The following DENND1B variants were observed in gnomAD, a reference collection of about 807,000 sequenced individuals.
DENND1B encodes the protein DENN domain containing 1B.
DENND1B carries 59 observed loss-of-function variants against 90.1 expected under a neutral mutation model. The ratio of observed to expected loss-of-function variants is 0.65; its 90% CI spans 0.53 to 0.81. The LOEUF is 0.81. Among genes scored for constraint, DENND1B ranks in the 40% least tolerant of loss-of-function variants. The probability of loss-of-function intolerance (pLI) is 0.00; values close to 1 mark genes in which losing one functional copy is unlikely to be tolerated. For missense variants in DENND1B, 862 were observed against 912.6 expected (o/e 0.94, Z 0.71); for synonymous variants, 337 against 324.6 (o/e 1.04, Z -0.41).
intron 15 of DENND1B, among the ~76,000 whole-genome samples, chr1:197,580,075 TTTTC>T (rs1423194434): frequency 2.0e-4 from 28 of 142,152 alleles, no homozygotes; most frequent in South Asian, 1.1e-3. Flanking sequence ...TTTTTCTTTC[TTTTC>T]TTTCTTTCTT....
In DENND1B at chr1:197,735,699, G is replaced by C. The variant is rs755832311; in HGVS notation, c.83-20625C>G. ...CTACCCCGGACACGGGAGGCGCTAC[G>C]CCAGGACCGACAGGAAAGTTTTCCA... is the stretch of plus-strand genomic sequence containing the variant. On this transcript the variant is annotated intron_variant, in intron 2 of 22. Coordinates refer to ENST00000620048, the MANE Select transcript of DENND1B (RefSeq NM_001195215.2). 5.0e-6 allele frequency: 8 copies of C among 1,613,940 alleles called. No homozygotes were observed. In the East Asian group the frequency reaches 1.6e-4, roughly 31 times the overall value.
intron 13 of DENND1B, among the ~76,000 whole-genome samples, chr1:197,602,568 T>C (rs1676303413): frequency 6.6e-6 from 1 of 151,452 alleles, no homozygotes; most frequent in Non-Finnish European, 1.5e-5. Context: ...GGAACTAATA[T>C]AATATTCTCT....
chr1:197,552,335 A>C, intron 16 of DENND1B: 1 of 985,452 alleles, frequency 1.0e-6, no homozygotes, highest in Non-Finnish European at 1.2e-6. Context: ...TCAGCAAATA[A>C]TGAATGAACA....
chr1:197,672,342 T>C (rs1370236045), intron 4 of DENND1B, among the ~76,000 whole-genome samples, 186 bp from the exon 5 acceptor site: 4 of 152,084 alleles, frequency 2.6e-5, no homozygotes, highest in Admixed American at 2.0e-4. Context: ...CCAAAATAAG[T>C]TGTAATACCT....
At chr1:197,534,812 T>C (rs887911708) in intron 20 of DENND1B, among the ~76,000 whole-genome samples, 3 of 152,292 alleles carry the variant, frequency 2.0e-5, no homozygotes, top group Admixed American at 6.5e-5. Flanking sequence ...ACATTACATA[T>C]TTAGTTGAAA....
intron 10 of DENND1B, among the ~76,000 whole-genome samples, chr1:197,627,359 C>T (rs1355115235): frequency 6.6e-6 from 1 of 152,100 alleles, no homozygotes; most frequent in African/African-American, 2.4e-5. Flanking sequence ...CCCTGATATG[C>T]CAGGCTGGTT....
chr1:197,698,648 A>G (rs976216117), intron 3 of DENND1B, among the ~76,000 whole-genome samples: 8 of 151,968 alleles, frequency 5.3e-5, no homozygotes, highest in African/African-American at 2.4e-5. Flanking sequence ...TTTTCTTTAA[A>G]TTAACAAAAC....
chr1:197,685,948 A>C (rs1441248290), intron 3 of DENND1B, among the ~76,000 whole-genome samples: 1 of 152,182 alleles, frequency 6.6e-6, no homozygotes, highest in Non-Finnish European at 1.5e-5. Context: ...TGAAGATGCC[A>C]ATTTTGTTCT....
intron 10 of DENND1B, among the ~76,000 whole-genome samples, chr1:197,628,850 T>C (rs1391847332): frequency 6.6e-6 from 1 of 151,368 alleles, no homozygotes; most frequent in Non-Finnish European, 1.5e-5. Flanking sequence ...AACAACCCCA[T>C]CAAAAAGTGG....
chr1:197,706,235 G>C (rs1433149688), intron 3 of DENND1B, among the ~76,000 whole-genome samples: 1 of 152,122 alleles, frequency 6.6e-6, no homozygotes, highest in Non-Finnish European at 1.5e-5. Context: ...CATAAGAAAG[G>C]AACCTGCTCA....
chr1:197,587,210 C>G (rs377066082), intron 14 of DENND1B, among the ~76,000 whole-genome samples: 17 of 152,248 alleles, frequency 1.1e-4, no homozygotes, highest in African/African-American at 4.1e-4. Flanking sequence ...TTGAGAAATA[C>G]CCATCTATAA....
Position 197,658,114 on chromosome 1 carries a change from T to C in DENND1B, c.366+186A>G, listed in dbSNP as rs115544422. Among the ~76,000 whole-genome samples the C allele has an allele frequency of 5.7e-3, 862 of 152,184 alleles. 11 individuals carry two copies. Among genetic ancestry groups the C allele is most frequent in the African/African-American group, 0.019 (807 of 41,536 alleles). ...TAAGGGTTGGGGAGGAATGAGTAGA[T>C]ACTGTTTAATGGATACAGACAGAGT... On this transcript the variant is annotated intron_variant, in intron 6 of 22. Transcript: ENST00000620048.
At chr1:197,720,160 T>A (rs1661025025) in intron 2 of DENND1B, among the ~76,000 whole-genome samples, 1 of 152,212 alleles carries the variant, frequency 6.6e-6, no homozygotes, top group Non-Finnish European at 1.5e-5. Context: ...TGAAAAAGTT[T>A]GATAAGCATG....
intron 1 of DENND1B, 70 bp downstream of exon 1, chr1:197,775,069 G>A: frequency 2.2e-5 from 24 of 1,082,374 alleles, no homozygotes; most frequent in Non-Finnish European, 2.8e-5. Context: ...AGGCGCGGAG[G>A]AGCCGAGCTG....
intron 2 of DENND1B, chr1:197,734,380 T>C: frequency 1.0e-6 from 1 of 984,024 alleles, no homozygotes. Context: ...TCATGAATAT[T>C]TACAAGGGGC....
intron 3 of DENND1B, among the ~76,000 whole-genome samples, chr1:197,680,620 C>A (rs1472961196): frequency 6.6e-6 from 1 of 151,702 alleles, no homozygotes; most frequent in African/African-American, 2.4e-5. Flanking sequence ...TGTGTGCAAC[C>A]CAATAAATAT....
intron 5 of DENND1B, among the ~76,000 whole-genome samples, chr1:197,668,081 A>G (rs1478961721): frequency 6.6e-6 from 1 of 152,172 alleles, no homozygotes; most frequent in African/African-American, 2.4e-5. Context: ...TAAAATACAT[A>G]TACATTTACA....
chr1:197,740,222 C>T (rs1663087188), intron 2 of DENND1B, among the ~76,000 whole-genome samples: 2 of 152,114 alleles, frequency 1.3e-5, no homozygotes, highest in Admixed American at 6.6e-5. Flanking sequence ...ACAAAAAATG[C>T]AAACCCTTGA....
At chr1:197,697,020 T>A (rs1658500998) in intron 3 of DENND1B, among the ~76,000 whole-genome samples, 1 of 144,042 alleles carries the variant, frequency 6.9e-6, no homozygotes, top group Non-Finnish European at 1.5e-5. Flanking sequence ...AACTGAGTTT[T>A]AATTAACAGA....
Sources: gnomAD v4.1 joint callset for allele counts (sites outside exome capture counted in the v4.1 genomes callset) on GRCh38, gnomAD v4.1.1 for gene constraint, MANE v1.5 for transcripts, NCBI Gene and HGNC (gene_info 2026-07-23, HGNC 2026-07-21) for gene names.